THEMIS: variants seen among roughly 807,000 people sequenced by gnomAD.
The protein encoded by THEMIS is thymocyte selection associated, also known as protein THEMIS.
In THEMIS, 37 loss-of-function variants were observed where a neutral mutation model predicts 52.6. That is an observed-to-expected ratio of 0.70 (90% confidence interval 0.54 to 0.93). The LOEUF is 0.93. Among genes scored for constraint, THEMIS ranks in the 40% least tolerant of loss-of-function variants. THEMIS has a pLI of 0.00. For missense variants in THEMIS, 808 were observed against 763.1 expected, an observed-to-expected ratio of 1.06 and a Z score of -0.69; for synonymous variants, 292 against 272.7, an observed-to-expected ratio of 1.07 and a Z score of -0.70.
chr6:127,866,191 T>C (rs1175381177), intron 1 of THEMIS, among the ~76,000 whole-genome samples: 1 of 152,100 alleles, frequency 6.6e-6, no homozygotes, highest in East Asian at 1.9e-4. Context: ...TCTGTTTTAT[T>C]GAAGTCTTTA....
intron 2 of THEMIS, 111 bp downstream of exon 2, chr6:127,854,919 A>G: frequency 1.1e-6 from 1 of 906,616 alleles, no homozygotes; most frequent in Non-Finnish European, 1.5e-6. Context: ...TTTCCCCCCC[A>G]TTATCCTAGA....
At chr6:127,762,670 C>T (rs903907061) in intron 4 of THEMIS, among the ~76,000 whole-genome samples, 1 of 152,022 alleles carries the variant, frequency 6.6e-6, no homozygotes, top group Non-Finnish European at 1.5e-5. Context: ...CCTGGCCACT[C>T]TAATTAATTA....
chr6:127,735,291 A>T (rs943038094), intron 4 of THEMIS, among the ~76,000 whole-genome samples: 1 of 151,498 alleles, frequency 6.6e-6, no homozygotes, highest in Non-Finnish European at 1.5e-5. Context: ...TTAAAGACTA[A>T]ATCTGTTACA....
downstream of THEMIS, chr6:127,708,017 C>T (rs1773845618): frequency 6.6e-6 from 1 of 152,058 alleles, no homozygotes; most frequent in South Asian, 2.1e-4. Context: ...GAGCTCAGCA[C>T]TGTAAGTCCA....
At chr6:127,757,549 C>G (rs9986503) in intron 4 of THEMIS, among the ~76,000 whole-genome samples, 1 of 151,736 alleles carries the variant, frequency 6.6e-6, no homozygotes, top group Non-Finnish European at 1.5e-5. Flanking sequence ...GTGGCGCTAT[C>G]TCGGCTCACT....
At chr6:127,896,126 A>C (rs1013876624) in intron 1 of THEMIS, among the ~76,000 whole-genome samples, 6 of 151,536 alleles carry the variant, frequency 4.0e-5, no homozygotes, top group Non-Finnish European at 7.4e-5. Flanking sequence ...TCAAGTTTTT[A>C]AAACCTGTTA....
intron 2 of THEMIS, among the ~76,000 whole-genome samples, chr6:127,849,776 G>A (rs1217465820): frequency 2.0e-5 from 3 of 151,900 alleles, no homozygotes; most frequent in African/African-American, 7.3e-5. Flanking sequence ...TATAAGACCT[G>A]AAACCATAAA....
At chr6:127,837,584 T>C (rs1207550539) in intron 2 of THEMIS, among the ~76,000 whole-genome samples, 2 of 151,978 alleles carry the variant, frequency 1.3e-5, no homozygotes, top group Non-Finnish European at 2.9e-5. Context: ...TGTTTGTGTT[T>C]CTGTGTGCAT....
At chr6:127,755,135 A>G (rs1031244238) in intron 4 of THEMIS, among the ~76,000 whole-genome samples, 120 of 152,340 alleles carry the variant, frequency 7.9e-4, no homozygotes, top group Non-Finnish European at 2.6e-4. Flanking sequence ...CAGCATCTAC[A>G]GAACACGTGT....
chr6:127,836,045 GA>G (rs1778865369), intron 2 of THEMIS, among the ~76,000 whole-genome samples: 1 of 152,124 alleles, frequency 6.6e-6, no homozygotes, highest in South Asian at 2.1e-4. Context: ...AAGTTCCCTT[GA>G]ACAAAGAAAA....
At chr6:127,838,182 T>C (rs1301222902) in intron 2 of THEMIS, among the ~76,000 whole-genome samples, 3 of 152,056 alleles carry the variant, frequency 2.0e-5, no homozygotes, top group Non-Finnish European at 2.9e-5. Context: ...ATTACATGTA[T>C]TTTCAAAGAA....
At chr6:127,699,361 T>G in the THEMIS span, among the ~76,000 whole-genome samples, 1 of 151,442 alleles carries the variant, frequency 6.6e-6, no homozygotes, top group African/African-American at 2.4e-5. Context: ...CATACATTAT[T>G]TAATTAAGTA....
chr6:127,889,590 A>C (rs925312791), intron 1 of THEMIS, among the ~76,000 whole-genome samples: 14 of 152,142 alleles, frequency 9.2e-5, no homozygotes, highest in Non-Finnish European at 1.8e-4. Flanking sequence ...TCATTTCCAC[A>C]TAAAACAAAT....
At chr6:127,762,774 T>C (rs1227998805) in intron 4 of THEMIS, among the ~76,000 whole-genome samples, 1 of 152,090 alleles carries the variant, frequency 6.6e-6, no homozygotes, top group Non-Finnish European at 1.5e-5. Flanking sequence ...GCCTATGGAA[T>C]TGGCATTGAC....
At chr6:127,729,626 C>T (rs1300520160) in intron 4 of THEMIS, among the ~76,000 whole-genome samples, 3 of 152,142 alleles carry the variant, frequency 2.0e-5, no homozygotes, top group Non-Finnish European at 2.9e-5. Flanking sequence ...CCACTCTTCC[C>T]ATGACATACT....
intron 5 of THEMIS, among the ~76,000 whole-genome samples, chr6:127,719,321 T>C (rs903828030): frequency 1.1e-4 from 16 of 151,972 alleles, no homozygotes; most frequent in African/African-American, 3.6e-4. Flanking sequence ...GACGCTTCTT[T>C]AAATTTAAAA....
intron 4 of THEMIS, among the ~76,000 whole-genome samples, chr6:127,736,770 G>A (rs765110390): frequency 1.4e-5 from 2 of 147,368 alleles, no homozygotes; most frequent in South Asian, 2.1e-4. Context: ...TCTGAGGTGC[G>A]CATCATATTG....
intron 4 of THEMIS, among the ~76,000 whole-genome samples, chr6:127,784,687 C>T (rs1433801545): frequency 1.3e-5 from 2 of 152,122 alleles, no homozygotes; most frequent in Non-Finnish European, 2.9e-5. Flanking sequence ...AGATACTGAG[C>T]ACTGTAATGG....
intron 4 of THEMIS, among the ~76,000 whole-genome samples, chr6:127,766,765 T>C (rs914404795): frequency 3.9e-5 from 6 of 152,176 alleles, no homozygotes; most frequent in Non-Finnish European, 8.8e-5. Flanking sequence ...AAATATGATA[T>C]AAAAGATTAA....
Sources: gnomAD v4.1 joint callset for allele counts (sites outside exome capture counted in the v4.1 genomes callset) on GRCh38, gnomAD v4.1.1 for gene constraint, MANE v1.5 for transcripts, NCBI Gene and HGNC (gene_info 2026-07-23, HGNC 2026-07-21) for gene names.